GSN: variants seen among roughly 807,000 people sequenced by gnomAD.
GSN encodes the protein actin-depolymerizing factor.
In GSN, 56 loss-of-function variants were observed where a neutral mutation model predicts 85.7. The ratio of observed to expected loss-of-function variants is 0.65; its 90% CI spans 0.53 to 0.82. GSN has a LOEUF of 0.82. GSN is among the 40% of genes least tolerant of loss of function. The pLI is 0.00. For synonymous variants in GSN, 373 were observed against 399.1 expected (o/e 0.93, Z 0.78); for missense variants, 857 against 979.8 (o/e 0.87, Z 1.67).
At chr9:121,321,841 A>G (rs1346366052) in intron 11 of GSN, among the ~76,000 whole-genome samples, 1 of 152,090 alleles carries the variant, frequency 6.6e-6, no homozygotes, top group Non-Finnish European at 1.5e-5. Flanking sequence ...TCCCAAGTTC[A>G]AGCAATTCTC....
At chr9:121,247,974 T>C (rs1464834329) in intron 5 of GSN, among the ~76,000 whole-genome samples, 3 of 150,688 alleles carry the variant, frequency 2.0e-5, no homozygotes, top group Non-Finnish European at 4.4e-5. Flanking sequence ...TAGGAGAGTA[T>C]GTATATGCTA....
rs1326246074 is a variant in GSN at position 121,261,611 on chromosome 9, T to A, written c.-340-3543T>A. Among the ~76,000 whole-genome samples the A allele has an allele frequency of 6.6e-6, 1 of 152,220 alleles. No homozygotes were observed. The highest frequency in any genetic ancestry group is 1.9e-4 in the East Asian group (1 of 5,202). On this transcript the variant is annotated intron_variant, in intron 6 of 24. Coordinates refer to the GSN transcript ENST00000373823. This position sits in a 1 kb window ranked among gnomAD's most constrained non-coding sequence, Gnocchi z 4.1. ...GAGGAGATAATGCCCAGAGCAGGCA[T>A]CCATGAATATGGTTTCCTCCCGTTT...
At chr9:121,293,711 AAAAAG>A (rs1162802425) in intron 2 of GSN, among the ~76,000 whole-genome samples, 1 of 152,210 alleles carries the variant, frequency 6.6e-6, no homozygotes, top group African/African-American at 2.4e-5. Context: ...AAAAAAAAAA[AAAAAG>A]AAAGGCATTT....
In GSN at chr9:121,210,098, A is replaced by G. The variant is rs2053945446; in HGVS notation, c.-705-138A>G. On this transcript the variant is annotated intron_variant, in intron 2 of 24. Coordinates refer to the GSN transcript ENST00000373823. ...CCTTTATAGATATATTAGTTAGGAG[A>G]GGCTAGGTTTTACTGTGTAAGAAAT... 3 of 152,170 alleles carry G rather than the reference A, an allele frequency of 2.0e-5. No homozygotes were observed. In the South Asian group the frequency reaches 6.2e-4, roughly 32 times the overall value. The allele number at this position is 152,170 out of a possible 1,614,324, so 9.4% of individuals were successfully genotyped here.
At chr9:121,300,241 C>G (rs995816046) in intron 2 of GSN, 4 of 741,296 alleles carry the variant, frequency 5.4e-6, no homozygotes, top group Non-Finnish European at 9.9e-6. Context: ...TTTCTTTTCC[C>G]CTGTCCTCCT....
At chr9:121,253,612 A>G (rs907066730) in intron 6 of GSN, among the ~76,000 whole-genome samples, 29 of 152,320 alleles carry the variant, frequency 1.9e-4, no homozygotes, top group African/African-American at 6.0e-4. Context: ...GCAGGCATCA[A>G]TGTGTTCACT....
chr9:121,227,265 G>A (rs112480534), intron 4 of GSN, among the ~76,000 whole-genome samples: 88 of 152,136 alleles, frequency 5.8e-4, no homozygotes, highest in Non-Finnish European at 8.7e-4. Flanking sequence ...GTGGTGGTGC[G>A]TGCCTGTAAT....
intron 7 of GSN, among the ~76,000 whole-genome samples, chr9:121,314,954 C>A (rs1377401754): frequency 1.3e-5 from 2 of 152,176 alleles, no homozygotes; most frequent in African/African-American, 4.8e-5. Flanking sequence ...CTCTGCCTAC[C>A]GGGCTCAAGC....
At chr9:121,323,371 GT>G (rs59056849) in intron 11 of GSN, among the ~76,000 whole-genome samples, 96 of 117,732 alleles carry the variant, frequency 8.2e-4, no homozygotes, top group Middle Eastern at 0.01. Flanking sequence ...TCCCATTACC[GT>G]TTTTTTTTTT....
At chr9:121,296,081 C>T (rs10760171) in intron 2 of GSN, among the ~76,000 whole-genome samples, 57,518 of 152,140 alleles carry the variant, frequency 0.38, 13,580 homozygotes, top group East Asian at 0.62. Flanking sequence ...TGGGAAGTGT[C>T]GTGGGGACAG....
chr9:121,256,925 G>C (rs758890051), intron 6 of GSN, among the ~76,000 whole-genome samples: 2 of 152,014 alleles, frequency 1.3e-5, no homozygotes, highest in Non-Finnish European at 2.9e-5. Flanking sequence ...ATAAGTTCTA[G>C]AATTTGATAG....
chr9:121,311,309 C>G (rs999889241), intron 5 of GSN: 1 of 219,040 alleles, frequency 4.6e-6, no homozygotes, highest in East Asian at 1.1e-4. Context: ...CCAGGCCCAC[C>G]TTATAGATGT....
rs376925013 is a variant in GSN, at chr9:121,327,980, G to GAAGA, written c.1762+514_1762+517dup. Among the ~76,000 whole-genome samples the GAAGA allele has an allele frequency of 4.2e-3, 642 of 152,240 alleles. 4 individuals carry two copies. The highest frequency in any genetic ancestry group is 0.014 in the African/African-American group (592 of 41,536). On this transcript the variant is annotated intron_variant, in intron 14 of 17. Coordinates refer to ENST00000432226, the MANE Select transcript of GSN (RefSeq NM_198252.3). ...CAGGAGTAAAACTCTGTCTCAAAAA[G>GAAGA]AAGAAAGAAAGAAAGAAAGGAGAGC... is the stretch of plus-strand genomic sequence containing the variant.
intron 2 of GSN, among the ~76,000 whole-genome samples, chr9:121,295,860 C>T (rs1325551596): frequency 6.6e-6 from 1 of 152,246 alleles, no homozygotes; most frequent in African/African-American, 2.4e-5. Flanking sequence ...CCAGGACATG[C>T]TCATGTACTG....
chr9:121,203,767 A>C (rs2053840776), upstream of GSN, among the ~76,000 whole-genome samples: 7 of 152,232 alleles, frequency 4.6e-5, no homozygotes, highest in Admixed American at 4.6e-4. Context: ...TGAAAATAGT[A>C]ATATCTCTCT....
At chr9:121,292,471 G>A (rs2058787811) in intron 2 of GSN, among the ~76,000 whole-genome samples, 1 of 152,202 alleles carries the variant, frequency 6.6e-6, no homozygotes, top group Non-Finnish European at 1.5e-5. Context: ...CTGTATGTGT[G>A]TATAGGGTCT....
intron 11 of GSN, among the ~76,000 whole-genome samples, chr9:121,321,731 GTTTATTTA>G (rs36130872): frequency 4.0e-5 from 6 of 150,472 alleles, no homozygotes; most frequent in African/African-American, 9.8e-5. Context: ...ATTTATATTT[GTTTATTTA>G]TTTATTTATT....
At chr9:121,283,471 T>TGTTTTTAGTAGAG (rs1469192151) in intron 2 of GSN, 2 of 154,452 alleles carry the variant, frequency 1.3e-5, no homozygotes, top group African/African-American at 4.8e-5. Flanking sequence ...CTAATGTTTG[T>TGTTTTTAGTAGAG]GTTTTTAGTA....
At chr9:121,236,381 G>A (rs1275301455) in intron 5 of GSN, among the ~76,000 whole-genome samples, 5 of 151,772 alleles carry the variant, frequency 3.3e-5, no homozygotes, top group Admixed American at 6.6e-5. Flanking sequence ...TACCACGGCC[G>A]GCAAATTTTT....
Sources: gnomAD v4.1 joint callset for allele counts (sites outside exome capture counted in the v4.1 genomes callset) on GRCh38, gnomAD v4.1.1 for gene constraint, Gnocchi (gnomAD v3.1) non-coding constraint, MANE v1.5 for transcripts, NCBI Gene and HGNC (gene_info 2026-07-23, HGNC 2026-07-21) for gene names.